KANK4: variants seen among roughly 807,000 people sequenced by gnomAD.
The protein encoded by KANK4 is KN motif and ankyrin repeat domains 4, also known as KN motif and ankyrin repeat domain-containing protein 4.
A neutral mutation model predicts 80.8 loss-of-function variants in KANK4; 50 were observed. The ratio of observed to expected loss-of-function variants is 0.62; its 90% CI spans 0.49 to 0.78. The LOEUF (loss-of-function observed/expected upper bound fraction) is 0.78. Among genes scored for constraint, KANK4 ranks in the 30% least tolerant of loss-of-function variants. The probability of loss-of-function intolerance (pLI) is 0.00; values close to 1 mark genes in which losing one functional copy is unlikely to be tolerated. For missense variants in KANK4, 1,196 were observed against 1,240.1 expected, an observed-to-expected ratio of 0.96 and a Z score of 0.53; for synonymous variants, 465 against 506.9, an observed-to-expected ratio of 0.92 and a Z score of 1.11.
chr1:62,300,115 C>T (rs1044080445), intron 1 of KANK4, among the ~76,000 whole-genome samples: 3 of 152,098 alleles, frequency 2.0e-5, no homozygotes, highest in African/African-American at 7.2e-5. Flanking sequence ...AGTCCCCCTC[C>T]AGGGCAAAAG....
chr1:62,277,441 A>G (rs1672338421), intron 2 of KANK4, among the ~76,000 whole-genome samples: 2 of 152,224 alleles, frequency 1.3e-5, no homozygotes, highest in African/African-American at 4.8e-5. Flanking sequence ...TTATAGTTAA[A>G]GGTGGAGTCT....
chr1:62,317,130 T>C (rs1416725170), intron 1 of KANK4, among the ~76,000 whole-genome samples: 1 of 152,054 alleles, frequency 6.6e-6, no homozygotes, highest in Non-Finnish European at 1.5e-5. Flanking sequence ...GCCGGGAAAG[T>C]GTTAGAGCCA....
At chr1:62,278,326 TTCCTTC>T (rs1557493290) in intron 2 of KANK4, among the ~76,000 whole-genome samples, 690 of 39,054 alleles carry the variant, frequency 0.018, 131 homozygotes, top group East Asian at 0.041. Context: ...TCTTTCTTCC[TTCCTTC>T]CTTCCTTCCT....
rs1346413399 is a variant in KANK4, at chr1:62,286,511, G to A, written c.-70-4877C>T. On this transcript the variant is annotated intron_variant, in intron 1 of 9. Transcript: ENST00000371153. ...CTTAACTAGAAAGTTAGTTCCCAGA[G>A]CTGCCATCGCTTCCGAGGAACACAT... 2.0e-5 allele frequency among the ~76,000 whole-genome samples: 3 copies of A among 152,240 alleles called. No individual in the cohort carries two copies. In the East Asian group the frequency reaches 5.8e-4, roughly 29 times the overall value.
intron 6 of KANK4, among the ~76,000 whole-genome samples, chr1:62,266,284 C>A (rs1197711020): frequency 6.6e-6 from 1 of 152,210 alleles, no homozygotes; most frequent in East Asian, 1.9e-4. Context: ...AGGAAATGGG[C>A]CCTGGCCTGC....
chr1:62,318,246 T>C (rs1385454385), intron 1 of KANK4, among the ~76,000 whole-genome samples: 1 of 152,210 alleles, frequency 6.6e-6, no homozygotes, highest in Non-Finnish European at 1.5e-5. Context: ...TACTCCCTCT[T>C]TGCCCTAAAG....
chr1:62,238,786 T>C (rs916331553), intron 9 of KANK4, among the ~76,000 whole-genome samples: 1 of 151,964 alleles, frequency 6.6e-6, no homozygotes, highest in Non-Finnish European at 1.5e-5. Context: ...CACACCATCA[T>C]GCCTGGAAAA....
intron 1 of KANK4, among the ~76,000 whole-genome samples, chr1:62,288,961 A>G (rs2149159058): frequency 6.6e-6 from 1 of 152,336 alleles, no homozygotes; most frequent in African/African-American, 2.4e-5. Flanking sequence ...AAGATGTCAG[A>G]TAAATCCTGA....
rs745509202 is a variant in KANK4, at chr1:62,274,185, TG to T, written c.918del (p.Asn306LysfsTer11). ...NELLLEEIEL[N>X]ISEIPPPPPV... ...GGTGGCGGGGGTGGAATCTCGCTGATGTTGAGCTCGATTTCTTCCAGGAGGA... is the reference window on the plus strand; with the variant it reads ...GGTGGCGGGGGTGGAATCTCGCTGATTTGAGCTCGATTTCTTCCAGGAGGA... On this transcript the variant is annotated frameshift_variant, in exon 3 of 10. Transcript: ENST00000371153. LOFTEE classifies it high-confidence loss of function. The T allele has an allele frequency of 3.5e-5, 56 of 1,614,030 alleles. No homozygotes were observed. In the Admixed American group the frequency reaches 9.3e-4, roughly 27 times the overall value.
At position 62,281,521 on chromosome 1, in the gene KANK4, A is replaced by G. The variant is rs994030436; in HGVS notation, c.16+28T>C. On this transcript the variant is annotated intron_variant, in intron 2 of 9. Coordinates refer to ENST00000371153, the MANE Select transcript of KANK4 (RefSeq NM_181712.5). ...TTCCCAGCCCAAGTGCTTATCTTAA[A>G]CCAGGCCCTACAAAGCAGCTTGCCT... 5 of 1,613,904 alleles carry G rather than the reference A, an allele frequency of 3.1e-6. No homozygotes were observed. The African/African-American group carries it at 5.3e-5, about 17-fold the overall frequency.
At chr1:62,242,842 C>T (rs1671376741) in intron 9 of KANK4, among the ~76,000 whole-genome samples, 1 of 152,118 alleles carries the variant, frequency 6.6e-6, no homozygotes, top group Admixed American at 6.5e-5. Flanking sequence ...CCAGACTTTC[C>T]CTCTAAATGT....
chr1:62,313,849 C>A (rs983514370), intron 1 of KANK4, among the ~76,000 whole-genome samples: 1 of 151,578 alleles, frequency 6.6e-6, no homozygotes, highest in Non-Finnish European at 1.5e-5. Context: ...ACATGTATCC[C>A]CAAGCTAAAA....
At chr1:62,305,818 A>G (rs1229487034) in intron 1 of KANK4, among the ~76,000 whole-genome samples, 1 of 152,134 alleles carries the variant, frequency 6.6e-6, no homozygotes, top group Non-Finnish European at 1.5e-5. Flanking sequence ...CCAGTACCCA[A>G]AAAGCTGCTT....
intron 1 of KANK4, among the ~76,000 whole-genome samples, chr1:62,306,409 C>A (rs920187606): frequency 6.6e-6 from 1 of 152,114 alleles, no homozygotes; most frequent in Non-Finnish European, 1.5e-5. Flanking sequence ...AAAAAATTTT[C>A]TATACAAATA....
chr1:62,318,763 G>GTGT (rs1644563906), intron 1 of KANK4, among the ~76,000 whole-genome samples: 1 of 152,176 alleles, frequency 6.6e-6, no homozygotes, highest in Admixed American at 6.5e-5. Context: ...GGACAGCACG[G>GTGT]CCTCCCCCTC....
At chr1:62,247,981 G>A (rs1358843098) in intron 8 of KANK4, among the ~76,000 whole-genome samples, 1 of 151,994 alleles carries the variant, frequency 6.6e-6, no homozygotes, top group Non-Finnish European at 1.5e-5. Flanking sequence ...TTGACGGCAG[G>A]GACTAAGTGT....
At chr1:62,296,065 G>A (rs1644360695) in intron 1 of KANK4, among the ~76,000 whole-genome samples, 1 of 152,208 alleles carries the variant, frequency 6.6e-6, no homozygotes, top group Non-Finnish European at 1.5e-5. Flanking sequence ...TCAGTTCAGG[G>A]CTGTGTTCAA....
At chr1:62,279,198 G>GCGCGCGCGCGCACACA (rs1282615199) in intron 2 of KANK4, among the ~76,000 whole-genome samples, 7 of 146,182 alleles carry the variant, frequency 4.8e-5, no homozygotes, top group African/African-American at 1.8e-4. Flanking sequence ...GCTAGCGCGC[G>GCGCGCGCGCGCACACA]CACACACACA....
chr1:62,275,246 T>C (rs1672282308), intron 2 of KANK4, among the ~76,000 whole-genome samples, 159 bp from the exon 3 acceptor site: 1 of 152,246 alleles, frequency 6.6e-6, no homozygotes, highest in African/African-American at 2.4e-5. Flanking sequence ...TCAGTCTTTT[T>C]GGCTGTATTG....
Sources: gnomAD v4.1 joint callset for allele counts (sites outside exome capture counted in the v4.1 genomes callset) on GRCh38, gnomAD v4.1.1 for gene constraint, MANE v1.5 for transcripts, NCBI Gene and HGNC (gene_info 2026-07-23, HGNC 2026-07-21) for gene names.